FAM107B: variants seen among roughly 807,000 people sequenced by gnomAD.
FAM107B encodes protein FAM107B.
Under a neutral mutation model 31.5 loss-of-function variants are expected in FAM107B, and 21 were observed. That is an observed-to-expected ratio of 0.67 (90% CI 0.47 to 0.96). The LOEUF (loss-of-function observed/expected upper bound fraction) is 0.96, where lower values mean the gene tolerates loss of function less well. Among genes scored for constraint, FAM107B ranks in the 40% least tolerant of loss-of-function variants. FAM107B has a pLI of 0.00. For synonymous variants in FAM107B, 157 were observed against 141.5 expected (o/e 1.11, Z -0.78); for missense variants, 452 against 377.1 (o/e 1.20, Z -1.64).
At position 14,568,874 on chromosome 10, in the gene FAM107B, G is replaced by A. The variant is rs191189905; in HGVS notation, c.470-38359C>T. Among the ~76,000 whole-genome samples, 6 of 152,252 alleles carry A rather than the reference G, an allele frequency of 3.9e-5. No homozygotes were observed. In the East Asian group the frequency reaches 1.2e-3, roughly 29 times the overall value. The stretch of plus-strand genomic sequence containing the variant: ...GGAGGGGGAGAGACAGGGCATGAAG[G>A]TGGGATCCTAAATCCCAGAATCGTC... On this transcript the variant is annotated intron_variant, in intron 2 of 4. Transcript: ENST00000181796.
chr10:14,617,386 C>A (rs944777522), intron 2 of FAM107B, among the ~76,000 whole-genome samples: 2 of 152,168 alleles, frequency 1.3e-5, no homozygotes, highest in Non-Finnish European at 1.5e-5. Context: ...ACATGTCTCT[C>A]AAACTTGCAA....
intron 1 of FAM107B, among the ~76,000 whole-genome samples, chr10:14,763,025 G>A (rs186659807): frequency 2.0e-3 from 304 of 152,294 alleles, no homozygotes; most frequent in African/African-American, 6.6e-3. Context: ...CACTTTGGGA[G>A]GCAGAGGGAG....
chr10:14,658,274 A>T (rs1854124206), intron 2 of FAM107B, among the ~76,000 whole-genome samples: 1 of 152,228 alleles, frequency 6.6e-6, no homozygotes, highest in East Asian at 1.9e-4. Context: ...CATCATCTAC[A>T]ACCCCCAGGA....
intron 2 of FAM107B, among the ~76,000 whole-genome samples, chr10:14,606,701 C>T (rs567516683): frequency 5.3e-5 from 8 of 152,082 alleles, no homozygotes; most frequent in Non-Finnish European, 1.0e-4. Context: ...TCCTCTCTCC[C>T]TCCCTCCTTC....
chr10:14,717,523 C>T (rs1319964354), intron 1 of FAM107B, among the ~76,000 whole-genome samples: 3 of 152,180 alleles, frequency 2.0e-5, no homozygotes, highest in Admixed American at 6.5e-5. Flanking sequence ...AGTCCAAAGG[C>T]TGAAGAACCT....
intron 1 of FAM107B, among the ~76,000 whole-genome samples, chr10:14,698,035 G>A (rs1466661590): frequency 6.6e-6 from 1 of 152,060 alleles, no homozygotes. Flanking sequence ...TGACGCACAA[G>A]GATCGATTGA....
intron 2 of FAM107B, among the ~76,000 whole-genome samples, chr10:14,584,465 A>G (rs1851758667): frequency 1.3e-5 from 2 of 152,210 alleles, no homozygotes; most frequent in Non-Finnish European, 2.9e-5. Flanking sequence ...CATAAACAAA[A>G]AAGTCTCAAA....
intron 2 of FAM107B, among the ~76,000 whole-genome samples, chr10:14,630,705 G>A (rs1438733039): frequency 1.3e-5 from 2 of 151,702 alleles, no homozygotes; most frequent in African/African-American, 4.8e-5. Flanking sequence ...CCCAAAATTA[G>A]CCAAGCATGA....
At chr10:14,747,556 G>A (rs1832750423) in intron 1 of FAM107B, among the ~76,000 whole-genome samples, 1 of 152,090 alleles carries the variant, frequency 6.6e-6, no homozygotes, top group South Asian at 2.1e-4. Flanking sequence ...CTCTTCCATA[G>A]GGTGGCTGCA....
chr10:14,681,584 C>T (rs368131730), intron 1 of FAM107B, among the ~76,000 whole-genome samples: 137 of 152,290 alleles, frequency 9.0e-4, no homozygotes, highest in Non-Finnish European at 1.6e-3. Flanking sequence ...TGCTCATGAC[C>T]GTCACCGCAC....
chr10:14,721,515 C>T (rs549019369), intron 1 of FAM107B, among the ~76,000 whole-genome samples: 110 of 152,258 alleles, frequency 7.2e-4, no homozygotes, highest in Middle Eastern at 3.4e-3. Context: ...CTGTTGTTTC[C>T]TGACTTTTTA....
At chr10:14,764,697 A>C (rs1017387603) in intron 1 of FAM107B, among the ~76,000 whole-genome samples, 2 of 152,180 alleles carry the variant, frequency 1.3e-5, no homozygotes, top group Non-Finnish European at 1.5e-5. Context: ...AGAAATCTCT[A>C]ATTTCCCATA....
intron 1 of FAM107B, among the ~76,000 whole-genome samples, chr10:14,771,458 AAAATAGCT>A (rs1299372717): frequency 6.6e-6 from 1 of 152,224 alleles, no homozygotes; most frequent in Non-Finnish European, 1.5e-5. Flanking sequence ...TGTGTATTTC[AAAATAGCT>A]AGAAGACAGG....
intron 2 of FAM107B, among the ~76,000 whole-genome samples, chr10:14,551,230 C>T (rs1019392190): frequency 1.3e-5 from 2 of 152,186 alleles, no homozygotes; most frequent in Non-Finnish European, 2.9e-5. Flanking sequence ...TCACTGCAAT[C>T]TCTGCCTCCC....
At chr10:14,747,793 C>T (rs1370124368) in intron 1 of FAM107B, among the ~76,000 whole-genome samples, 1 of 152,218 alleles carries the variant, frequency 6.6e-6, no homozygotes, top group African/African-American at 2.4e-5. Context: ...GGATCTGGGA[C>T]CCAATTAATG....
intron 2 of FAM107B, among the ~76,000 whole-genome samples, chr10:14,540,190 C>T (rs1433735358): frequency 6.6e-6 from 1 of 152,208 alleles, no homozygotes; most frequent in Non-Finnish European, 1.5e-5. Flanking sequence ...AGAGAAATTT[C>T]ACCCTGAGAA....
chr10:14,729,876 A>G (rs781083251), intron 1 of FAM107B, among the ~76,000 whole-genome samples: 1 of 152,234 alleles, frequency 6.6e-6, no homozygotes, highest in Non-Finnish European at 1.5e-5. Context: ...GAATGAGTTC[A>G]TGTCTTTTGC....
rs12240920 is a variant in FAM107B, at chr10:14,774,884, G to C, written c.-221C>G. On this transcript the variant is annotated 5_prime_UTR_variant, in exon 1 of 5. Transcript: ENST00000181796. ...AAGTGTCCATCCTGGGCAATTTCGC[G>C]CTCTTCCTTCTGTGATGCTGTCAGT... 116 of 567,292 alleles carry C rather than the reference G, an allele frequency of 2.0e-4. 2 individuals are homozygous for C. The highest frequency in any genetic ancestry group is 1.7e-3 in the South Asian group (79 of 45,236). 35.1% of individuals were successfully genotyped at this position (567,292 alleles called of 1,614,324 possible).
intron 1 of FAM107B, among the ~76,000 whole-genome samples, chr10:14,722,077 G>A (rs1013606445): frequency 1.3e-5 from 2 of 152,156 alleles, no homozygotes; most frequent in Non-Finnish European, 2.9e-5. Context: ...TATTTTCTAA[G>A]TGTACAATTC....
Sources: gnomAD v4.1 joint callset for allele counts (sites outside exome capture counted in the v4.1 genomes callset) on GRCh38, gnomAD v4.1.1 for gene constraint, MANE v1.5 for transcripts, NCBI Gene and HGNC (gene_info 2026-07-23, HGNC 2026-07-21) for gene names.